The following RANBP2 variants were observed in gnomAD, a reference collection of about 807,000 sequenced individuals.
RANBP2 encodes E3 SUMO-protein ligase RanBP2.
Under a neutral mutation model 303.6 loss-of-function variants are expected in RANBP2, and 57 were observed. The ratio of observed to expected loss-of-function variants is 0.19; its 90% CI spans 0.15 to 0.23. RANBP2 has a LOEUF of 0.23. RANBP2 is among the 10% of genes least tolerant of loss of function. The pLI, the probability that RANBP2 is intolerant of heterozygous loss-of-function variation, is 1.00. For synonymous variants in RANBP2, 1,167 were observed against 1,301.5 expected (o/e 0.90, Z 2.23); for missense variants, 3,138 against 3,780.8 (o/e 0.83, Z 4.46).
chr2:108,805,185 C>G, the RANBP2 span, among the ~76,000 whole-genome samples: 2 of 152,180 alleles, frequency 1.3e-5, no homozygotes, highest in South Asian at 4.1e-4. Context: ...GCTCTTTGGT[C>G]TCTTCTCTTT....
the RANBP2 span, among the ~76,000 whole-genome samples, chr2:108,920,205 C>T: frequency 8.5e-5 from 13 of 152,358 alleles, no homozygotes; most frequent in Admixed American, 4.6e-4. Flanking sequence ...CAGTGCCTGG[C>T]GCCTGGCACT....
At chr2:109,149,536 C>A in the RANBP2 span, among the ~76,000 whole-genome samples, 92 of 152,286 alleles carry the variant, frequency 6.0e-4, no homozygotes, top group East Asian at 0.016. Flanking sequence ...AAGGGGAATT[C>A]GCTTGTTTGA....
chr2:109,715,567 C>T, the RANBP2 span, among the ~76,000 whole-genome samples: 1 of 152,152 alleles, frequency 6.6e-6, no homozygotes, highest in Non-Finnish European at 1.5e-5. Context: ...CTCCTGGAAG[C>T]CACTCTCCCA....
chr2:109,432,663 C>A, the RANBP2 span: 1 of 1,611,438 alleles, frequency 6.2e-7, no homozygotes, highest in South Asian at 1.1e-5. Flanking sequence ...ACGTGACACC[C>A]GTTTCCAGGT....
the RANBP2 span, chr2:109,398,751 T>C: frequency 6.2e-7 from 1 of 1,613,524 alleles, no homozygotes; most frequent in East Asian, 2.2e-5. Context: ...TTCAGCGGCG[T>C]GTGGATGGCA....
Position 108,763,272 on chromosome 2 carries a change from A to G in RANBP2, c.2733A>G (p.Gln911=). 3 of 1,613,856 alleles carry G rather than the reference A, an allele frequency of 1.9e-6. No individual in the cohort carries two copies. Among genetic ancestry groups the G allele is most frequent in the Non-Finnish European group, 2.5e-6 (3 of 1,179,948 alleles). ...PVYGMNRLPP[Q]QHIYAYPQQM... Reference sequence around the variant, plus strand: ...ATGGCATGAATAGGCTTCCACCCCAACAGCATATTTATGCCTATCCGCAAC... The same window carrying G: ...ATGGCATGAATAGGCTTCCACCCCAGCAGCATATTTATGCCTATCCGCAAC... Residue 911 remains glutamine, a synonymous_variant, in exon 20 of 29, where the codon CAA becomes CAG. Transcript: ENST00000283195.
At chr2:109,681,065 T>A in the RANBP2 span, among the ~76,000 whole-genome samples, 1 of 152,248 alleles carries the variant, frequency 6.6e-6, no homozygotes, top group African/African-American at 2.4e-5. Context: ...GCAGAACTTG[T>A]ATCCCCACAA....
At chr2:109,242,978 T>C in the RANBP2 span, among the ~76,000 whole-genome samples, 45,227 of 152,206 alleles carry the variant, frequency 0.3, 7,587 homozygotes, top group Non-Finnish European at 0.38. Context: ...CGGACTTCCG[T>C]GACTCATGGT....
the RANBP2 span, among the ~76,000 whole-genome samples, chr2:109,316,734 A>T: frequency 6.6e-6 from 1 of 152,162 alleles, no homozygotes; most frequent in South Asian, 2.1e-4. Flanking sequence ...CTATAATGCG[A>T]TGTATCCACC....
the RANBP2 span, among the ~76,000 whole-genome samples, chr2:109,242,368 T>A: frequency 8.5e-5 from 13 of 152,292 alleles, no homozygotes; most frequent in African/African-American, 3.1e-4. Context: ...GAGGACCTTG[T>A]CTCCTGTCTG....
chr2:108,990,459 T>A, the RANBP2 span, among the ~76,000 whole-genome samples: 39,063 of 118,824 alleles, frequency 0.33, 8,377 homozygotes, highest in East Asian at 0.93. Flanking sequence ...AAAAAAAAAA[T>A]ATACAAAAAT....
the RANBP2 span, chr2:108,906,432 C>T: frequency 1.3e-6 from 2 of 1,574,042 alleles, no homozygotes; most frequent in Admixed American, 3.4e-5. Context: ...GAGGCAAATC[C>T]TCCATGTCAG....
At chr2:109,547,367 T>TTG in the RANBP2 span, among the ~76,000 whole-genome samples, 1 of 133,160 alleles carries the variant, frequency 7.5e-6, no homozygotes, top group Non-Finnish European at 1.6e-5. Flanking sequence ...GCTAATAAAC[T>TTG]TGTTTTTTTT....
chr2:109,181,741 A>G, the RANBP2 span, among the ~76,000 whole-genome samples: 13 of 152,140 alleles, frequency 8.5e-5, no homozygotes, highest in African/African-American at 2.9e-4. Context: ...CAGCCATGGT[A>G]GTGGATGCTA....
At chr2:109,614,149 G>A in the RANBP2 span, 10 of 1,197,924 alleles carry the variant, frequency 8.3e-6, no homozygotes, top group Non-Finnish European at 1.0e-5. Flanking sequence ...AAGACGGCGC[G>A]AGGAATGCAG....
the RANBP2 span, chr2:108,908,120 T>TG: frequency 2.3e-6 from 3 of 1,313,862 alleles, no homozygotes; most frequent in South Asian, 3.1e-5. Context: ...CTGTGGACAG[T>TG]GGGGGGCAAT....
chr2:109,635,801 T>A, the RANBP2 span, among the ~76,000 whole-genome samples: 1 of 152,242 alleles, frequency 6.6e-6, no homozygotes, highest in Non-Finnish European at 1.5e-5. Context: ...GGTCCTAAGT[T>A]GCAAACATGA....
the RANBP2 span, chr2:109,585,738 A>C: frequency 3.7e-6 from 6 of 1,612,814 alleles, no homozygotes; most frequent in African/African-American, 8.0e-5. Flanking sequence ...GAGAATATTA[A>C]AGCAGAAACC....
the RANBP2 span, among the ~76,000 whole-genome samples, chr2:109,104,040 C>T: frequency 6.6e-4 from 101 of 152,254 alleles, no homozygotes; most frequent in African/African-American, 2.3e-3. Flanking sequence ...ATGATCCGCC[C>T]GCCTCGGCCT....
Sources: gnomAD v4.1 joint callset for allele counts (sites outside exome capture counted in the v4.1 genomes callset) on GRCh38, gnomAD v4.1.1 for gene constraint, MANE v1.5 for transcripts, NCBI Gene and HGNC (gene_info 2026-07-23, HGNC 2026-07-21) for gene names.